DNAJC11: variants seen among roughly 807,000 people sequenced by gnomAD.
DNAJC11 encodes DnaJ heat shock protein family (Hsp40) member C11.
A neutral mutation model predicts 78.6 loss-of-function variants in DNAJC11; 15 were observed. The ratio of observed to expected loss-of-function variants is 0.19; its 90% CI spans 0.13 to 0.29. The LOEUF is 0.29. DNAJC11 is among the 10% of genes least tolerant of loss of function. The pLI is 1.00. For missense variants in DNAJC11, 547 were observed against 709.6 expected (o/e 0.77, Z 2.60); for synonymous variants, 292 against 272.1 (o/e 1.07, Z -0.72).
intron 1 of DNAJC11, among the ~76,000 whole-genome samples, chr1:6,701,301 G>A (rs1002711635): frequency 4.6e-5 from 7 of 152,300 alleles, no homozygotes; most frequent in Admixed American, 3.9e-4. Context: ...CCTTGACCTT[G>A]GTGGGTGAGA....
At chr1:6,687,567 C>T (rs2147882867) in intron 1 of DNAJC11, among the ~76,000 whole-genome samples, 1 of 152,120 alleles carries the variant, frequency 6.6e-6, no homozygotes, top group East Asian at 1.9e-4. Context: ...CCGTGTTAGC[C>T]AGGATGGTCT....
rs755481206 is a variant in DNAJC11, at chr1:6,645,998, G to GA, written c.705-21dup. The GA allele has an allele frequency of 3.2e-5, 51 of 1,613,066 alleles. No homozygotes were observed. Among genetic ancestry groups the GA allele is most frequent in the Admixed American group, 1.3e-4 (8 of 59,994 alleles). On this transcript the variant is annotated intron_variant, in intron 7 of 15. Transcript: ENST00000377577. The surrounding 1 kb of genome is among the most constrained non-coding windows in gnomAD (Gnocchi z 4.1). ...ACAAAGCTGGAGAGACACAGAGACA[G>GA]AATAGGTCCTGGATAGCACCTGCTC...
At chr1:6,668,048 C>T in intron 3 of DNAJC11, 1 of 478,642 alleles carries the variant, frequency 2.1e-6, no homozygotes, top group Non-Finnish European at 3.7e-6. Flanking sequence ...TCACTCAGCT[C>T]TCCAGAGTGA....
At chr1:6,679,566 A>C (rs1427378061) in intron 2 of DNAJC11, among the ~76,000 whole-genome samples, 2 of 152,210 alleles carry the variant, frequency 1.3e-5, no homozygotes, top group African/African-American at 4.8e-5. Context: ...CTAATTTAAA[A>C]ACCACATAAA....
chr1:6,648,181 G>C (rs2148731491), intron 7 of DNAJC11, among the ~76,000 whole-genome samples: 1 of 152,110 alleles, frequency 6.6e-6, no homozygotes, highest in Non-Finnish European at 1.5e-5. Flanking sequence ...TTGAGACAGA[G>C]TCTCGGCTCT....
At chr1:6,664,247 T>C (rs934548300) in intron 4 of DNAJC11, among the ~76,000 whole-genome samples, 1 of 151,440 alleles carries the variant, frequency 6.6e-6, no homozygotes, top group Non-Finnish European at 1.5e-5. Context: ...CTTTCTTTTT[T>C]TTTTTTTTTT....
rs1310652171 is a variant in DNAJC11 at position 6,680,662 on chromosome 1, T to A, written c.202+246A>T. Reference sequence around the variant, plus strand: ...GGTAAACGATTTAAAACTTGAGTATTCCCTTGCAATTGAGACTCTGTCTAT... The same window carrying A: ...GGTAAACGATTTAAAACTTGAGTATACCCTTGCAATTGAGACTCTGTCTAT... On this transcript the variant is annotated intron_variant, in intron 2 of 15. Transcript: ENST00000377577. This position sits in a 1 kb window ranked among gnomAD's most constrained non-coding sequence, Gnocchi z 4.0. Among the ~76,000 whole-genome samples the A allele has an allele frequency of 6.6e-6, 1 of 152,206 alleles. No homozygotes were observed. Among genetic ancestry groups the A allele is most frequent in the Non-Finnish European group, 1.5e-5 (1 of 68,040 alleles).
chr1:6,638,541 G>C (rs1641822755), intron 11 of DNAJC11, among the ~76,000 whole-genome samples, 177 bp from the exon 12 acceptor site: 1 of 152,184 alleles, frequency 6.6e-6, no homozygotes, highest in Non-Finnish European at 1.5e-5. Context: ...GTTAGTCACA[G>C]GCTGGCAGCT....
chr1:6,672,158 T>C (rs1258297001), intron 3 of DNAJC11, among the ~76,000 whole-genome samples: 1 of 152,178 alleles, frequency 6.6e-6, no homozygotes. Flanking sequence ...TATAATTGAG[T>C]GTTCTATTCA....
chr1:6,644,468 C>T, intron 10 of DNAJC11, 90 bp downstream of exon 10: 3 of 967,714 alleles, frequency 3.1e-6, no homozygotes, highest in Middle Eastern at 4.2e-4. Flanking sequence ...AATTACAATG[C>T]AAAGGCTATT....
intron 4 of DNAJC11, 147 bp downstream of exon 4, chr1:6,667,562 C>T (rs1642311835): frequency 1.5e-6 from 1 of 669,518 alleles, no homozygotes; most frequent in South Asian, 1.9e-5. Flanking sequence ...AAAGATACAA[C>T]TTTGACATAA....
chr1:6,665,848 ACC>A (rs35220871), intron 4 of DNAJC11, among the ~76,000 whole-genome samples: 1 of 151,880 alleles, frequency 6.6e-6, no homozygotes, highest in South Asian at 2.1e-4. Context: ...CTTGCCAGGC[ACC>A]CCCACCTCCC....
chr1:6,652,224 A>G (rs1448664699), intron 6 of DNAJC11, among the ~76,000 whole-genome samples: 1 of 152,202 alleles, frequency 6.6e-6, no homozygotes, highest in East Asian at 1.9e-4. Flanking sequence ...ATGGCCACCA[A>G]TCAGTGAACC....
At chr1:6,641,800 A>G (rs1452613907) in intron 10 of DNAJC11, among the ~76,000 whole-genome samples, 1 of 152,182 alleles carries the variant, frequency 6.6e-6, no homozygotes, top group African/African-American at 2.4e-5. Context: ...AGTTCCTCTC[A>G]AGTACCACGA....
At chr1:6,643,991 C>T (rs933258045) in intron 10 of DNAJC11, among the ~76,000 whole-genome samples, 3 of 152,104 alleles carry the variant, frequency 2.0e-5, no homozygotes, top group Non-Finnish European at 4.4e-5. Flanking sequence ...CTGCCTCAGC[C>T]TCCCGAGTAC....
chr1:6,645,197 TC>T lies in DNAJC11; in HGVS notation c.895-72del. 1 of 1,197,036 alleles carries T rather than the reference TC, an allele frequency of 8.4e-7. No individual in the cohort carries two copies. The highest frequency in any genetic ancestry group is 1.2e-6 in the Non-Finnish European group (1 of 806,490). 74.2% of individuals were successfully genotyped at this position (1,197,036 alleles called of 1,614,324 possible). On this transcript the variant is annotated intron_variant, in intron 8 of 15. Coordinates refer to ENST00000377577, the MANE Select transcript of DNAJC11 (RefSeq NM_018198.4). The surrounding 1 kb of genome is among the most constrained non-coding windows in gnomAD (Gnocchi z 4.1). ...TCTGTGGGGAGATGGGTATCTGCCC[TC>T]CCACTAGCTCTGGGCATCTGCTGCA...
At chr1:6,670,614 G>A (rs1642365485) in intron 3 of DNAJC11, 1 of 152,086 alleles carries the variant, frequency 6.6e-6, no homozygotes, top group African/African-American at 2.4e-5. Context: ...TTACTAAAAA[G>A]GGGGAAGTGG....
rs1234861652 is a variant in DNAJC11, at chr1:6,636,187, G to C, written c.1584C>G (p.Leu528=). Residue 528 remains leucine, a synonymous_variant, in exon 15 of 16, where the codon CTC becomes CTG. Transcript: ENST00000377577. The part of the protein sequence containing the change: ...CVGEEKNLKV[L]YQFRGVLHQV... Reference sequence around the variant, plus strand: ...GATGCAGGACGCCCCGGAACTGATAGAGCACTTTCAGGTTCTTCTCTTCCC... The same window carrying C: ...GATGCAGGACGCCCCGGAACTGATACAGCACTTTCAGGTTCTTCTCTTCCC... 6.8e-6 allele frequency: 11 copies of C among 1,614,038 alleles called. No homozygotes were observed. The highest frequency in any genetic ancestry group is 1.1e-5 in the South Asian group (1 of 91,082).
chr1:6,667,760 C>A lies in DNAJC11; in HGVS notation c.327G>T (p.Arg109=), dbSNP rs1570291579. ...TCCTCTCTTCTCTCTCTCTCTGCAG[C>A]CGCTCAAACTCCTCTCGAATTTCAG... The part of the protein sequence containing the change: ...TPAEIREEFE[R]LQREREERRL... The change falls in exon 4 of 16, where the codon CGG becomes CGT. Residue 109 remains arginine (R), a synonymous_variant. Transcript: ENST00000377577. 5 of 1,614,128 alleles carry A rather than the reference C, an allele frequency of 3.1e-6. No homozygotes were observed. The highest frequency in any genetic ancestry group is 2.7e-5 in the African/African-American group (2 of 75,052).
Sources: allele counts gnomAD v4.1 joint callset (sites outside exome capture counted in the v4.1 genomes callset), GRCh38; gene constraint gnomAD v4.1.1; non-coding constraint Gnocchi (gnomAD v3.1); transcripts MANE v1.5; gene names NCBI Gene and HGNC (gene_info 2026-07-23, HGNC 2026-07-21).